Variants in PLSCR2 observed in about 807,000 individuals in gnomAD.
PLSCR2 encodes the protein phospholipid scramblase 2.
In PLSCR2, 18 loss-of-function variants were observed where a neutral mutation model predicts 25.3. That is an observed-to-expected ratio of 0.71 (90% confidence interval 0.49 to 1.06). The LOEUF (loss-of-function observed/expected upper bound fraction) is 1.06, where lower values mean the gene tolerates loss of function less well. Among genes scored for constraint, PLSCR2 ranks in the 50% least tolerant of loss-of-function variants. The probability of loss-of-function intolerance (pLI) is 0.00; values close to 1 mark genes in which losing one functional copy is unlikely to be tolerated. For synonymous variants in PLSCR2, 88 were observed against 87.3 expected (o/e 1.01, Z -0.04); for missense variants, 243 against 269.5 (o/e 0.90, Z 0.69).
intron 1 of PLSCR2, among the ~76,000 whole-genome samples, chr3:146,481,502 C>G (rs768294644): frequency 6.6e-6 from 1 of 152,066 alleles, no homozygotes; most frequent in Non-Finnish European, 1.5e-5. Flanking sequence ...GAATAAAATA[C>G]CTGGGAATTG....
chr3:146,406,835 T>C (rs1329296848), intron 2 of PLSCR2, among the ~76,000 whole-genome samples: 1 of 152,154 alleles, frequency 6.6e-6, no homozygotes, highest in Admixed American at 6.5e-5. Context: ...ACTAGGTCTC[T>C]TGGCTGGAAT....
At chr3:146,428,233 T>A (rs2039423886) in intron 2 of PLSCR2, among the ~76,000 whole-genome samples, 2 of 152,196 alleles carry the variant, frequency 1.3e-5, no homozygotes, top group Non-Finnish European at 2.9e-5. Flanking sequence ...CAATATTTGA[T>A]TAAAGTTGAA....
At chr3:146,462,419 A>T (rs2041635645), upstream of PLSCR2, among the ~76,000 whole-genome samples, 2 of 151,620 alleles carry the variant, frequency 1.3e-5, no homozygotes. Flanking sequence ...ATTGTTGGTC[A>T]GCCCACGACG....
At chr3:146,440,109 T>C (rs1020167965), downstream of PLSCR2, among the ~76,000 whole-genome samples, 1 of 152,090 alleles carries the variant, frequency 6.6e-6, no homozygotes, top group African/African-American at 2.4e-5. Context: ...GAACGGCAAA[T>C]GTTGCTGCCT....
At chr3:146,448,112 C>A (rs2040670665) in intron 6 of PLSCR2, among the ~76,000 whole-genome samples, 1 of 152,062 alleles carries the variant, frequency 6.6e-6, no homozygotes, top group Admixed American at 6.6e-5. Context: ...CTCCTCAGTG[C>A]CTCTTTTTTT....
intron 2 of PLSCR2, among the ~76,000 whole-genome samples, chr3:146,400,935 T>C (rs2038450441): frequency 6.6e-6 from 1 of 152,016 alleles, no homozygotes; most frequent in Non-Finnish European, 1.5e-5. Flanking sequence ...CAAATCATGG[T>C]GTTTAAACAA....
rs1441637576 is a variant in PLSCR2 at position 146,409,606 on chromosome 3, C to T, written c.101-13685G>A. On this transcript the variant is annotated intron_variant and NMD_transcript_variant, in intron 2 of 3. Transcript: ENST00000463633. ...GATTCAATGACCCTTCAGGGGGCCA[C>T]CTAACTCCTAACTTTGGCCATTCTA... Among the ~76,000 whole-genome samples the T allele has an allele frequency of 7.2e-5, 11 of 152,150 alleles. No homozygotes were observed. In the East Asian group the frequency reaches 1.9e-3, roughly 27 times the overall value.
At chr3:146,440,393 T>G (rs1041560168), downstream of PLSCR2, among the ~76,000 whole-genome samples, 1 of 152,228 alleles carries the variant, frequency 6.6e-6, no homozygotes, top group African/African-American at 2.4e-5. Flanking sequence ...CAGAGGCAGA[T>G]GGGGCTCCTT....
chr3:146,419,357 T>G (rs1011036178), intron 2 of PLSCR2, among the ~76,000 whole-genome samples: 1 of 152,072 alleles, frequency 6.6e-6, no homozygotes, highest in Admixed American at 6.6e-5. Context: ...CCACTAACAG[T>G]CTTGTAAAGT....
At chr3:146,455,597 G>A in intron 3 of PLSCR2, 138 bp from the exon 4 acceptor site, 2 of 615,880 alleles carry the variant, frequency 3.2e-6, no homozygotes, top group Non-Finnish European at 5.7e-6. Context: ...GAGTTGATCA[G>A]GCAGAGGAAA....
At chr3:146,462,112 C>G (rs1002186415), upstream of PLSCR2, among the ~76,000 whole-genome samples, 6 of 151,770 alleles carry the variant, frequency 4.0e-5, no homozygotes, top group Non-Finnish European at 8.8e-5. Flanking sequence ...ATTTGTAGGT[C>G]CAATACAACT....
rs190537059 is a variant in PLSCR2 at position 146,433,742 on chromosome 3, T to C, written c.*35-225A>G. On this transcript the variant is annotated intron_variant, in intron 8 of 8. Transcript: ENST00000336685. ...AGATGAGTGCCCTGGGTACCCTTCA[T>C]CCTTGGAATCTGGCATCTGATGAAT... 2.2e-4 allele frequency among the ~76,000 whole-genome samples: 34 copies of C among 152,246 alleles called. No individual in the cohort carries two copies. The East Asian group carries it at 6.6e-3, about 29-fold the overall frequency.
intron 1 of PLSCR2, among the ~76,000 whole-genome samples, chr3:146,489,044 T>C (rs574108473): frequency 6.6e-6 from 1 of 152,236 alleles, no homozygotes; most frequent in African/African-American, 2.4e-5. Flanking sequence ...GAAGCCATCA[T>C]TCTCAGCAAA....
chr3:146,392,166 GTTTA>G (rs1398023958), intron 3 of PLSCR2, among the ~76,000 whole-genome samples: 1 of 151,890 alleles, frequency 6.6e-6, no homozygotes, highest in African/African-American at 2.4e-5. Context: ...AATTTTTGCT[GTTTA>G]TTTAAGTTTG....
intron 3 of PLSCR2, among the ~76,000 whole-genome samples, chr3:146,392,252 A>G (rs1300708320): frequency 6.6e-6 from 1 of 152,154 alleles, no homozygotes; most frequent in African/African-American, 2.4e-5. Flanking sequence ...GAATATAAAC[A>G]TTAAATTTTT....
intron 2 of PLSCR2, chr3:146,414,984 C>G (rs1443257771): frequency 6.6e-6 from 1 of 152,554 alleles, no homozygotes; most frequent in East Asian, 1.9e-4. Context: ...TATCTAAGGA[C>G]CTTCTACACA....
chr3:146,432,948 T>C (rs948527173), downstream of PLSCR2, among the ~76,000 whole-genome samples: 2 of 152,172 alleles, frequency 1.3e-5, no homozygotes, highest in African/African-American at 4.8e-5. Context: ...TACATTAAAA[T>C]ATATTTTCTT....
At chr3:146,398,845 A>G (rs950705069) in intron 2 of PLSCR2, 3 of 152,300 alleles carry the variant, frequency 2.0e-5, no homozygotes, top group Non-Finnish European at 3.0e-5. Flanking sequence ...AAAATATAAT[A>G]TTGATCCAAC....
chr3:146,488,696 A>T (rs1462484535), intron 1 of PLSCR2, among the ~76,000 whole-genome samples: 1 of 152,160 alleles, frequency 6.6e-6, no homozygotes, highest in Non-Finnish European at 1.5e-5. Context: ...GCTGTGGAGA[A>T]ATAGGAATGC....
Sources: allele counts gnomAD v4.1 joint callset (sites outside exome capture counted in the v4.1 genomes callset), GRCh38; gene constraint gnomAD v4.1.1; transcripts MANE v1.5; gene names NCBI Gene and HGNC (gene_info 2026-07-23, HGNC 2026-07-21).